The following RNMT variants were observed in gnomAD, a reference collection of about 807,000 sequenced individuals.
The protein encoded by RNMT is RNA guanine-7 methyltransferase, also known as mRNA cap guanine-N(7) methyltransferase.
RNMT carries 27 observed loss-of-function variants against 56.0 expected under a neutral mutation model. That is an observed-to-expected ratio of 0.48 (90% CI 0.36 to 0.67). The LOEUF (loss-of-function observed/expected upper bound fraction) is 0.67, where lower values mean the gene tolerates loss of function less well. Among genes scored for constraint, RNMT ranks in the 30% least tolerant of loss-of-function variants. The pLI is 0.00. For synonymous variants in RNMT, 184 were observed against 176.2 expected, an observed-to-expected ratio of 1.04 and a Z score of -0.35; for missense variants, 519 against 552.1, an observed-to-expected ratio of 0.94 and a Z score of 0.60.
intron 10 of RNMT, among the ~76,000 whole-genome samples, chr18:13,753,755 A>G (rs1437425235): frequency 2.0e-5 from 3 of 148,728 alleles, no homozygotes; most frequent in Non-Finnish European, 4.4e-5. Flanking sequence ...TGGGCGACAG[A>G]GCAAGGCTCT....
In RNMT at chr18:13,752,406, C is replaced by T; in HGVS notation, c.1338C>T (p.Asn446=). 6.2e-7 allele frequency: 1 copy of T among 1,608,410 alleles called. No individual in the cohort carries two copies. Among genetic ancestry groups the T allele is most frequent in the Non-Finnish European group, 8.5e-7 (1 of 1,175,188 alleles). ...DYEHAAKYMK[N]SQVRLPLGTL... is the part of the protein sequence containing the mutation. The stretch of plus-strand genomic sequence containing the variant: ...AACATGCAGCAAAGTACATGAAGAA[C>T]AGTCAAGTAAGGTTACCTTTGGTAA... The change falls in exon 10 of 12, where the codon AAC becomes AAT. Residue 446 remains asparagine, a synonymous_variant. Transcript: ENST00000383314.
intron 4 of RNMT, among the ~76,000 whole-genome samples, chr18:13,735,086 T>C (rs928242236): frequency 1.6e-4 from 25 of 152,136 alleles, no homozygotes; most frequent in Non-Finnish European, 5.9e-5. Context: ...ATACAATTCT[T>C]GTCGGCACCG....
In RNMT at chr18:13,746,202, G is replaced by C. The variant is rs1332974650; in HGVS notation, c.1140-18G>C. On this transcript the variant is annotated intron_variant, in intron 8 of 11. Transcript: ENST00000383314. ...AAACATGTGGAAGCTTTTTCATTAA[G>C]TATTCTTTTTTGGACAGAATGGCAA... 1 of 1,258,802 alleles carries C rather than the reference G, an allele frequency of 7.9e-7. No individual in the cohort carries two copies. Among genetic ancestry groups the C allele is most frequent in the African/African-American group, 1.5e-5 (1 of 66,056 alleles). 78.0% of individuals were successfully genotyped at this position (1,258,802 alleles called of 1,614,324 possible). A position where few individuals can be genotyped will look rare whatever the true frequency, so the allele number is the denominator to read the frequency against.
chr18:13,739,779 CTG>C (rs1334017499), intron 5 of RNMT, among the ~76,000 whole-genome samples: 2 of 152,002 alleles, frequency 1.3e-5, no homozygotes, highest in Non-Finnish European at 2.9e-5. Flanking sequence ...CAGCAAGACT[CTG>C]TCTCAAAAAA....
intron 1 of RNMT, among the ~76,000 whole-genome samples, chr18:13,728,599 G>A (rs1244622206): frequency 6.6e-6 from 1 of 152,056 alleles, no homozygotes; most frequent in Non-Finnish European, 1.5e-5. Flanking sequence ...ACCTCCCAAA[G>A]TGCTGGGATT....
chr18:13,746,976 A>G lies in RNMT; in HGVS notation c.1257+639A>G, dbSNP rs181128014. Among the ~76,000 whole-genome samples the G allele has an allele frequency of 8.3e-3, 1,265 of 152,312 alleles. 10 individuals are homozygous for G. Among genetic ancestry groups the G allele is most frequent in the Non-Finnish European group, 0.015 (994 of 68,020 alleles). On this transcript the variant is annotated intron_variant, in intron 9 of 11. Coordinates refer to ENST00000383314, the MANE Select transcript of RNMT (RefSeq NM_003799.3). Reference sequence around the variant, plus strand: ...AGTGAAGGTATCTATATAAGCTTCAATTACACAGCCATTGATTGTTTTTCC... The same window carrying G: ...AGTGAAGGTATCTATATAAGCTTCAGTTACACAGCCATTGATTGTTTTTCC...
chr18:13,728,025 G>A (rs2043992211), intron 1 of RNMT, among the ~76,000 whole-genome samples: 1 of 151,980 alleles, frequency 6.6e-6, no homozygotes, highest in African/African-American at 2.4e-5. Flanking sequence ...CTTGACTATT[G>A]TGAATAAACT....
Position 13,761,799 on chromosome 18 carries a change from T to G in RNMT, c.*1820T>G. 7.7e-7 allele frequency: 1 copy of G among 1,296,326 alleles called. No homozygotes were observed. The highest frequency in any genetic ancestry group is 9.8e-7 in the Non-Finnish European group (1 of 1,017,662). 80.3% of individuals were successfully genotyped at this position (1,296,326 alleles called of 1,614,324 possible). ...TCAGGCACCACCTTCCTCCTTGAGCTTTGCCTGTCTCTTGCCTTATCAGTT... is the reference window on the plus strand; with the variant it reads ...TCAGGCACCACCTTCCTCCTTGAGCGTTGCCTGTCTCTTGCCTTATCAGTT... On this transcript the variant is annotated 3_prime_UTR_variant, in exon 12 of 12. Transcript: ENST00000383314.
At chr18:13,732,713 T>G (rs1488116952) in intron 3 of RNMT, among the ~76,000 whole-genome samples, 2 of 150,320 alleles carry the variant, frequency 1.3e-5, no homozygotes, top group Non-Finnish European at 2.9e-5. Flanking sequence ...CAATGGAATG[T>G]GAATTCTTGT....
Position 13,740,175 on chromosome 18 carries a change from G to A in RNMT, c.688G>A (p.Asp230Asn), listed in dbSNP as rs780880923. ...CCCTTCCATCCTTCCAGATATTGCC[G>A]ATGTTTCTGTCAAACAGTGTCAGCA... The part of the protein sequence containing the change: ...INKLVCTDIA[D>N]VSVKQCQQRY... Residue 230 changes from aspartate to asparagine, a missense_variant, in exon 6 of 12, where the codon GAT becomes AAT. Physicochemically the swap from Asp to Asn is conservative, Grantham distance 23. Transcript: ENST00000383314. 6.9e-6 allele frequency: 11 copies of A among 1,604,562 alleles called. No individual in the cohort carries two copies. The highest frequency in any genetic ancestry group is 4.5e-5 in the East Asian group (2 of 44,806).
At position 13,746,310 on chromosome 18, in the gene RNMT, G is replaced by A. The variant is rs376815436; in HGVS notation, c.1230G>A (p.Met410Ile). ...EEKIKNNENK[M>I]LLKRMQALEP... The stretch of plus-strand genomic sequence containing the variant: ...AGATTAAGAACAATGAAAATAAAAT[G>A]CTCTTAAAACGAATGCAGGCCTTGG... Residue 410 changes from methionine (M) to isoleucine (I), a missense_variant, in exon 9 of 12, where the codon ATG (methionine) becomes ATA (isoleucine). Coordinates refer to ENST00000383314, the MANE Select transcript of RNMT (RefSeq NM_003799.3). 3 of 1,563,890 alleles carry A rather than the reference G, an allele frequency of 1.9e-6. No homozygotes were observed. Among genetic ancestry groups the A allele is most frequent in the East Asian group, 2.2e-5 (1 of 44,534 alleles).
In RNMT at chr18:13,760,735, A is replaced by T. The variant is rs2044608937; in HGVS notation, c.*756A>T. On this transcript the variant is annotated 3_prime_UTR_variant, in exon 12 of 12. Transcript: ENST00000383314. Reference sequence around the variant, plus strand: ...AATGGTGCCATAGTTATTTTTCTCAAAATTTAGTGAAAATCCCTCCCATGT... The same window carrying T: ...AATGGTGCCATAGTTATTTTTCTCATAATTTAGTGAAAATCCCTCCCATGT... The T allele has an allele frequency of 3.0e-6, 3 of 985,200 alleles. No homozygotes were observed. The highest frequency in any genetic ancestry group is 3.6e-6 in the Non-Finnish European group (3 of 829,858). The allele number at this position is 985,200 out of a possible 1,614,324, so 61.0% of individuals were successfully genotyped here. A position where few individuals can be genotyped will look rare whatever the true frequency, so the allele number is the denominator to read the frequency against.
Position 13,761,184 on chromosome 18 carries a change from A to T in RNMT, c.*1205A>T, listed in dbSNP as rs997831926. 3 of 985,482 alleles carry T rather than the reference A, an allele frequency of 3.0e-6. No individual in the cohort carries two copies. Among genetic ancestry groups the T allele is most frequent in the Non-Finnish European group, 2.4e-6 (2 of 829,938 alleles). 61.0% of individuals were successfully genotyped at this position (985,482 alleles called of 1,614,324 possible). ...TAACTGTTCATGGTGTTAGAGTTGCAAACTTTTTAGCAAGAAAATATGGAT... is the reference window on the plus strand; with the variant it reads ...TAACTGTTCATGGTGTTAGAGTTGCTAACTTTTTAGCAAGAAAATATGGAT... On this transcript the variant is annotated 3_prime_UTR_variant, in exon 12 of 12. Transcript: ENST00000383314.
intron 6 of RNMT, 26 bp from the exon 7 acceptor site, chr18:13,741,484 T>C (rs372568903): frequency 6.3e-7 from 1 of 1,582,132 alleles, no homozygotes; most frequent in African/African-American, 1.4e-5. Context: ...TACCTCACAA[T>C]CTTAACTCAT....
At chr18:13,750,037 G>A (rs935459439) in intron 9 of RNMT, among the ~76,000 whole-genome samples, 5 of 152,148 alleles carry the variant, frequency 3.3e-5, no homozygotes, top group African/African-American at 4.8e-5. Context: ...TGGGGTTACA[G>A]CATGAGCTAC....
Position 13,760,085 on chromosome 18 carries a change from A to G in RNMT, c.*106A>G, listed in dbSNP as rs1336149022. The G allele has an allele frequency of 9.5e-6, 14 of 1,480,592 alleles. No homozygotes were observed. The highest frequency in any genetic ancestry group is 2.8e-5 in the African/African-American group (2 of 71,190). The allele number at this position is 1,480,592 out of a possible 1,614,324, so 91.7% of individuals were successfully genotyped here. On this transcript the variant is annotated 3_prime_UTR_variant, in exon 12 of 12. Transcript: ENST00000383314. ...CTCTGTCTGTTGATTTTAATTCTAA[A>G]TGTGCAGGATGCTGCCAGAAACTCC... is the stretch of plus-strand genomic sequence containing the variant.
chr18:13,728,307 T>C (rs2044000616), intron 1 of RNMT, among the ~76,000 whole-genome samples: 2 of 15,858 alleles, frequency 1.3e-4, no homozygotes, highest in African/African-American at 2.8e-4. Context: ...CATCTTTTTT[T>C]TTTTTTTTTT....
intron 10 of RNMT, among the ~76,000 whole-genome samples, chr18:13,752,848 G>A (rs2044473846): frequency 6.6e-6 from 1 of 152,218 alleles, no homozygotes; most frequent in African/African-American, 2.4e-5. Context: ...ATTAGCTGCT[G>A]CTGTGACTTT....
At chr18:13,753,217 C>G (rs2044481307) in intron 10 of RNMT, among the ~76,000 whole-genome samples, 1 of 152,112 alleles carries the variant, frequency 6.6e-6, no homozygotes, top group Non-Finnish European at 1.5e-5. Context: ...GCCTGTAATC[C>G]CAGCACTTTG....
Sources: allele counts gnomAD v4.1 joint callset (sites outside exome capture counted in the v4.1 genomes callset), GRCh38; gene constraint gnomAD v4.1.1; transcripts MANE v1.5; gene names NCBI Gene and HGNC (gene_info 2026-07-23, HGNC 2026-07-21).